The following ZFR variants were observed in gnomAD, a reference collection of about 807,000 sequenced individuals.
ZFR encodes zinc finger RNA binding protein.
ZFR carries 19 observed loss-of-function variants against 130.7 expected under a neutral mutation model. That is an observed-to-expected ratio of 0.15 (90% CI 0.10 to 0.21). ZFR has a LOEUF of 0.21. ZFR is among the 10% of genes least tolerant of loss of function. ZFR has a pLI of 1.00. For synonymous variants in ZFR, 466 were observed against 456.9 expected (o/e 1.02, Z -0.25); for missense variants, 872 against 1,321.5 (o/e 0.66, Z 5.27).
chr5:32,415,017 A>G lies in ZFR; in HGVS notation c.736T>C (p.Ser246Pro). The G allele has an allele frequency of 6.2e-7, 1 of 1,614,118 alleles. No individual in the cohort carries two copies. The highest frequency in any genetic ancestry group is 8.5e-7 in the Non-Finnish European group (1 of 1,179,976). Reference sequence around the variant, plus strand: ...CTGTAAGTAGCACTCTGAGTATAGGATGGCACCACAGTAGCCGCAGCTGCT... The same window carrying G: ...CTGTAAGTAGCACTCTGAGTATAGGGTGGCACCACAGTAGCCGCAGCTGCT... ...PVAAAATVVP[S>P]YTQSATYSTT... Residue 246 changes from serine to proline, a missense_variant, in exon 5 of 20, where the codon TCC becomes CCC. This residue lies in a region of ZFR where 240 missense variants were observed against 441.2 expected (regional missense o/e 0.54). Transcript: ENST00000265069.
chr5:32,415,515 T>TGTGTGTGCGCGCGCGC (rs1326041688), intron 4 of ZFR, among the ~76,000 whole-genome samples: 4 of 97,932 alleles, frequency 4.1e-5, no homozygotes, highest in East Asian at 3.3e-4. Context: ...TGTGTGTGTG[T>TGTGTGTGCGCGCGCGC]GCGCGCGCGC....
rs778242302 is a variant in ZFR at position 32,419,902 on chromosome 5, G to C, written c.339C>G (p.His113Gln). 6.2e-7 allele frequency: 1 copy of C among 1,614,010 alleles called. No homozygotes were observed. Among genetic ancestry groups the C allele is most frequent in the Admixed American group, 1.7e-5 (1 of 60,010 alleles). ...GAGTATAACCATAGTCAGTTGCTGTGTGTGCAGTGGGGTAGCCTCCATAAG... is the reference window on the plus strand; with the variant it reads ...GAGTATAACCATAGTCAGTTGCTGTCTGTGCAGTGGGGTAGCCTCCATAAG... The part of the protein sequence containing the change: ...AAAYGGYPTA[H>Q]TATDYGYTQR... Residue 113 changes from histidine (H) to glutamine (Q), a missense_variant, in exon 3 of 20, where the codon CAC (histidine) becomes CAG (glutamine). Physicochemically the swap from His to Gln is conservative, Grantham distance 24 (BLOSUM62 0). Coordinates refer to ENST00000265069, the MANE Select transcript of ZFR (RefSeq NM_016107.5).
intron 19 of ZFR, among the ~76,000 whole-genome samples, chr5:32,361,489 C>T (rs796807380): frequency 4.6e-5 from 7 of 152,140 alleles, no homozygotes; most frequent in African/African-American, 1.7e-4. Flanking sequence ...TATAAAAGGT[C>T]CTTCCTAAAG....
chr5:32,423,261 A>T (rs1753995673), intron 2 of ZFR, among the ~76,000 whole-genome samples: 1 of 152,140 alleles, frequency 6.6e-6, no homozygotes, highest in South Asian at 2.1e-4. Context: ...TGAGCCCAGG[A>T]GGCAGAGGTT....
chr5:32,374,411 G>T (rs531939807), intron 17 of ZFR, among the ~76,000 whole-genome samples: 3 of 152,186 alleles, frequency 2.0e-5, no homozygotes, highest in Admixed American at 2.0e-4. Flanking sequence ...GCTGAGGCAG[G>T]AGAATCGCTT....
rs538867222 is a variant in ZFR, at chr5:32,378,042, T to C, written c.2835+1073A>G. On this transcript the variant is annotated intron_variant, in intron 17 of 19. Transcript: ENST00000265069. ...TTAACTATTAAGAAGTGTGATAATA[T>C]CCCAGAACTATGACAGTGTAAAGAA... 5.1e-4 allele frequency among the ~76,000 whole-genome samples: 77 copies of C among 152,322 alleles called. 1 individual carries two copies. The highest frequency in any genetic ancestry group is 9.1e-4 in the Non-Finnish European group (62 of 68,036).
intron 17 of ZFR, among the ~76,000 whole-genome samples, chr5:32,376,887 G>A (rs1581685117): frequency 6.6e-6 from 1 of 150,864 alleles, no homozygotes; most frequent in Admixed American, 6.6e-5. Context: ...ACGGAGGCAG[G>A]AGAATCGCTT....
chr5:32,414,833 G>T, intron 5 of ZFR, 136 bp downstream of exon 5: 1 of 739,530 alleles, frequency 1.4e-6, no homozygotes, highest in Non-Finnish European at 2.1e-6. Context: ...GTCACATTAT[G>T]TACCTATATT....
At chr5:32,413,977 T>C (rs1425268088) in intron 5 of ZFR, among the ~76,000 whole-genome samples, 1 of 152,186 alleles carries the variant, frequency 6.6e-6, no homozygotes, top group Non-Finnish European at 1.5e-5. Flanking sequence ...TGTCTCCTCA[T>C]TCAATTCATT....
At chr5:32,417,475 A>G (rs1190419024) in intron 4 of ZFR, among the ~76,000 whole-genome samples, 173 bp downstream of exon 4, 2 of 152,208 alleles carry the variant, frequency 1.3e-5, no homozygotes, top group African/African-American at 4.8e-5. Context: ...CAGGAGAGAA[A>G]GGCATGATTA....
chr5:32,415,529 C>CGT (rs1581706508), intron 4 of ZFR, among the ~76,000 whole-genome samples: 14 of 144,642 alleles, frequency 9.7e-5, no homozygotes, highest in Non-Finnish European at 1.8e-4. Flanking sequence ...CGCGCGCGCG[C>CGT]GCGCACTAGT....
intron 19 of ZFR, among the ~76,000 whole-genome samples, chr5:32,360,917 T>C (rs1053304594): frequency 2.6e-5 from 4 of 152,112 alleles, no homozygotes; most frequent in Non-Finnish European, 4.4e-5. Context: ...GCTTAAGTGA[T>C]CCTCCCACCT....
At chr5:32,379,318 C>G (rs1276817948) in intron 16 of ZFR, 108 bp from the exon 17 acceptor site, 10 of 904,580 alleles carry the variant, frequency 1.1e-5, no homozygotes, top group Non-Finnish European at 1.8e-5. Flanking sequence ...CAGATAAAAA[C>G]AAAAACAATC....
intron 11 of ZFR, among the ~76,000 whole-genome samples, chr5:32,390,914 G>T (rs1222182771): frequency 2.0e-5 from 3 of 152,134 alleles, no homozygotes; most frequent in Non-Finnish European, 2.9e-5. Flanking sequence ...ACACATTAAG[G>T]GTGTTGGGAA....
Position 32,420,179 on chromosome 5 carries a change from T to C in ZFR, c.138-76A>G, listed in dbSNP as rs571909398. On this transcript the variant is annotated intron_variant, in intron 2 of 19. Transcript: ENST00000265069. ...GTTAACCAACTTCAATTAAAAGCTA[T>C]TCAACTGAAATAAAAAGCACATTTT... 8.9e-6 allele frequency: 12 copies of C among 1,346,966 alleles called. No individual in the cohort carries two copies. In the South Asian group the frequency reaches 2.5e-4, roughly 28 times the overall value. The allele number at this position is 1,346,966 out of a possible 1,614,324, so 83.4% of individuals were successfully genotyped here. A position where few individuals can be genotyped will look rare whatever the true frequency, so the allele number is the denominator to read the frequency against.
chr5:32,369,303 CTT>C (rs1752610455), intron 17 of ZFR, among the ~76,000 whole-genome samples: 2 of 152,062 alleles, frequency 1.3e-5, no homozygotes, highest in Non-Finnish European at 2.9e-5. Flanking sequence ...GCCGGGAGAA[CTT>C]TTAGTACAAA....
Position 32,398,291 on chromosome 5 carries a change from G to A in ZFR, c.1714-953C>T, listed in dbSNP as rs188859192. 1.1e-3 allele frequency among the ~76,000 whole-genome samples: 163 copies of A among 152,210 alleles called. 3 individuals are homozygous for A. The highest frequency in any genetic ancestry group is 7.1e-3 in the Admixed American group (109 of 15,280). On this transcript the variant is annotated intron_variant, in intron 9 of 19. Transcript: ENST00000265069. ...TGTTCTTGAAAATGAAGATAACGAC[G>A]AATAATAGCATTATTTTGGTATACA...
chr5:32,409,430 C>G (rs897141851), intron 5 of ZFR, among the ~76,000 whole-genome samples: 4 of 151,904 alleles, frequency 2.6e-5, no homozygotes, highest in East Asian at 1.9e-4. Context: ...GCCCCACCCC[C>G]CCATTTTTTT....
intron 17 of ZFR, among the ~76,000 whole-genome samples, chr5:32,377,033 T>C (rs1319277683): frequency 2.7e-5 from 4 of 147,512 alleles, no homozygotes; most frequent in African/African-American, 1.0e-4. Context: ...GGCAGGCGCC[T>C]GTAGTCCCAG....
Sources: gnomAD v4.1 joint callset for allele counts (sites outside exome capture counted in the v4.1 genomes callset) on GRCh38, gnomAD v4.1.1 for gene constraint, gnomAD v4.1.1 regional missense constraint, MANE v1.5 for transcripts, NCBI Gene and HGNC (gene_info 2026-07-23, HGNC 2026-07-21) for gene names.